MTUS2: variants seen among roughly 807,000 people sequenced by gnomAD.
The protein encoded by MTUS2 is microtubule associated scaffold protein 2.
Under a neutral mutation model 114.1 loss-of-function variants are expected in MTUS2, and 40 were observed. The ratio of observed to expected loss-of-function variants is 0.35; its 90% CI spans 0.27 to 0.46. The LOEUF is 0.46. MTUS2 is among the 20% of genes least tolerant of loss of function. The pLI, the probability that MTUS2 is intolerant of heterozygous loss-of-function variation, is 1.00. For synonymous variants in MTUS2, 688 were observed against 672.0 expected, an observed-to-expected ratio of 1.02 and a Z score of -0.37; for missense variants, 1,679 against 1,705.4, an observed-to-expected ratio of 0.98 and a Z score of 0.27.
intron 6 of MTUS2, among the ~76,000 whole-genome samples, chr13:29,287,257 A>C (rs1453709019): frequency 1.3e-5 from 2 of 152,194 alleles, no homozygotes; most frequent in Admixed American, 1.3e-4. Flanking sequence ...TCCATTACCA[A>C]TAGATTGCAT....
At chr13:29,340,217 T>C (rs1901324059) in intron 7 of MTUS2, among the ~76,000 whole-genome samples, 1 of 152,126 alleles carries the variant, frequency 6.6e-6, no homozygotes, top group Non-Finnish European at 1.5e-5. Context: ...CAAGCCTCCC[T>C]CCTTCCCACT....
chr13:28,980,774 GTTGT>G (rs796639937), intron 2 of MTUS2, among the ~76,000 whole-genome samples: 11 of 152,324 alleles, frequency 7.2e-5, no homozygotes, highest in South Asian at 2.1e-4. Flanking sequence ...TTTTGTCGTT[GTTGT>G]TTGTTTGTTT....
At position 29,503,291 on chromosome 13, in the gene MTUS2, T is replaced by G; in HGVS notation, c.*85T>G. On this transcript the variant is annotated 3_prime_UTR_variant, in exon 16 of 16. Transcript: ENST00000612955. ...AGCACCGACCCGGTGCCGCCGGAGC[T>G]GGCCCTGTGCGCATGCTCAGTAGCT... The G allele has an allele frequency of 2.0e-6, 3 of 1,487,040 alleles. No homozygotes were observed. The highest frequency in any genetic ancestry group is 2.8e-6 in the Non-Finnish European group (3 of 1,085,008). The allele number at this position is 1,487,040 out of a possible 1,614,324, so 92.1% of individuals were successfully genotyped here.
chr13:29,304,910 TA>T (rs543560596), intron 6 of MTUS2, among the ~76,000 whole-genome samples: 127 of 150,678 alleles, frequency 8.4e-4, no homozygotes, highest in Middle Eastern at 3.4e-3. Flanking sequence ...TCAGCAAATG[TA>T]AAAAAAAACA....
rs190924365 is a variant in MTUS2 at position 29,247,805 on chromosome 13, T to C, written c.2645-33899T>C. 2.0e-5 allele frequency among the ~76,000 whole-genome samples: 3 copies of C among 152,352 alleles called. No homozygotes were observed. In the East Asian group the frequency reaches 5.8e-4, roughly 29 times the overall value. On this transcript the variant is annotated intron_variant, in intron 5 of 15. Coordinates refer to ENST00000612955, the MANE Select transcript of MTUS2 (RefSeq NM_001033602.4). ...AACACTTGAATACTGCTGGTGGGAA[T>C]GTAAACTAGTACACCCATTATGGAA...
chr13:28,867,498 T>C (rs1280509197), intron 2 of MTUS2, among the ~76,000 whole-genome samples: 1 of 152,256 alleles, frequency 6.6e-6, no homozygotes, highest in East Asian at 1.9e-4. Context: ...AAAGTTTCAC[T>C]GCTGGTTTTC....
intron 5 of MTUS2, among the ~76,000 whole-genome samples, chr13:29,236,587 G>C (rs1896543653): frequency 6.6e-6 from 1 of 152,218 alleles, no homozygotes; most frequent in South Asian, 2.1e-4. Context: ...ATCCAATTCA[G>C]TATTAGGATA....
chr13:29,245,231 G>A (rs959959038), intron 5 of MTUS2, among the ~76,000 whole-genome samples: 2 of 152,042 alleles, frequency 1.3e-5, no homozygotes, highest in African/African-American at 4.8e-5. Flanking sequence ...ACCAGAAGGT[G>A]GTAGATAATT....
intron 8 of MTUS2, among the ~76,000 whole-genome samples, chr13:29,382,172 G>A (rs1389587342): frequency 2.0e-5 from 3 of 152,168 alleles, no homozygotes; most frequent in Admixed American, 6.5e-5. Flanking sequence ...GAAGGGAATG[G>A]GAGGAACTAT....
At chr13:29,499,342 A>G (rs1882744294) in intron 14 of MTUS2, among the ~76,000 whole-genome samples, 1 of 152,194 alleles carries the variant, frequency 6.6e-6, no homozygotes, top group Non-Finnish European at 1.5e-5. Flanking sequence ...AAAGTGTGCA[A>G]AGGGAGTGGA....
intron 2 of MTUS2, among the ~76,000 whole-genome samples, chr13:28,972,594 CT>C: frequency 6.6e-6 from 1 of 152,178 alleles, no homozygotes; most frequent in Non-Finnish European, 1.5e-5. Context: ...TAGTTTTACC[CT>C]TTGGCCCAAG....
intron 4 of MTUS2, among the ~76,000 whole-genome samples, chr13:29,084,618 A>C (rs1447713296): frequency 6.7e-6 from 1 of 148,978 alleles, no homozygotes; most frequent in Non-Finnish European, 1.5e-5. Context: ...GCTCACTGCA[A>C]CTTCTGCCTC....
chr13:29,072,884 C>T (rs1183124811), intron 4 of MTUS2, among the ~76,000 whole-genome samples: 2 of 152,208 alleles, frequency 1.3e-5, no homozygotes, highest in African/African-American at 4.8e-5. Flanking sequence ...CAAACAGTGT[C>T]TATTTATAAG....
At chr13:29,009,302 A>G (rs1046699372) in intron 2 of MTUS2, among the ~76,000 whole-genome samples, 39 of 152,186 alleles carry the variant, frequency 2.6e-4, no homozygotes, top group African/African-American at 8.4e-4. Flanking sequence ...GGAACAAACT[A>G]TTGGTACATG....
chr13:29,452,606 G>A (rs9508460), intron 9 of MTUS2, among the ~76,000 whole-genome samples: 119,589 of 131,972 alleles, frequency 0.91, 54,929 homozygotes, highest in Non-Finnish European at 0.98. Flanking sequence ...GTGTGTGTGT[G>A]TATATATATA....
intron 2 of MTUS2, among the ~76,000 whole-genome samples, chr13:28,904,333 C>T (rs1879844069): frequency 6.6e-6 from 1 of 152,154 alleles, no homozygotes; most frequent in African/African-American, 2.4e-5. Context: ...TTGCCCATGC[C>T]TATGTCCTGA....
chr13:29,063,864 T>C (rs1888532653), intron 4 of MTUS2, among the ~76,000 whole-genome samples: 1 of 152,242 alleles, frequency 6.6e-6, no homozygotes, highest in South Asian at 2.1e-4. Context: ...ATCTTCTGAT[T>C]TGTATTAGAT....
At chr13:28,909,582 C>T (rs1880273952) in intron 2 of MTUS2, among the ~76,000 whole-genome samples, 1 of 152,120 alleles carries the variant, frequency 6.6e-6, no homozygotes, top group African/African-American at 2.4e-5. Flanking sequence ...CATACTGAAT[C>T]ACAAAAACTG....
intron 5 of MTUS2, among the ~76,000 whole-genome samples, chr13:29,241,475 A>G (rs1305333414): frequency 6.6e-6 from 1 of 152,112 alleles, no homozygotes; most frequent in Non-Finnish European, 1.5e-5. Context: ...CCAGCACACT[A>G]TACTGACTCT....
Sources: gnomAD v4.1 joint callset for allele counts (sites outside exome capture counted in the v4.1 genomes callset) on GRCh38, gnomAD v4.1.1 for gene constraint, MANE v1.5 for transcripts, NCBI Gene and HGNC (gene_info 2026-07-23, HGNC 2026-07-21) for gene names.